The following UBE2G2 variants were observed in gnomAD, a reference collection of about 807,000 sequenced individuals.
UBE2G2 encodes ubiquitin-conjugating enzyme E2 G2.
Under a neutral mutation model 23.0 loss-of-function variants are expected in UBE2G2, and 10 were observed. That is an observed-to-expected ratio of 0.43 (90% CI 0.27 to 0.74). UBE2G2 has a LOEUF of 0.74. Ranked by LOEUF, UBE2G2 falls within the 30% of genes least tolerant of loss-of-function variation. The pLI is 0.19. For missense variants in UBE2G2, 150 were observed against 218.3 expected (o/e 0.69, Z 1.97); for synonymous variants, 86 against 81.3 (o/e 1.06, Z -0.31).
intron 4 of UBE2G2, among the ~76,000 whole-genome samples, chr21:44,775,766 C>G (rs1555960508): frequency 6.6e-6 from 1 of 152,180 alleles, no homozygotes; most frequent in East Asian, 1.9e-4. Flanking sequence ...CATTTTATAG[C>G]TAACCAATTT....
chr21:44,796,558 A>C (rs1252213332), intron 1 of UBE2G2, among the ~76,000 whole-genome samples: 1 of 152,202 alleles, frequency 6.6e-6, no homozygotes, highest in Non-Finnish European at 1.5e-5. Flanking sequence ...AAACCCACTA[A>C]ATTTTATCAC....
chr21:44,773,557 G>T lies in UBE2G2; in HGVS notation c.375C>A (p.Ser125Arg). 1 of 1,608,802 alleles carries T rather than the reference G, an allele frequency of 6.2e-7. No homozygotes were observed. Reference protein sequence around the residue: ...SVEKILLSVVSMLAEPNDESG... With the variant: ...SVEKILLSVVRMLAEPNDESG... ...AGGCTCGGGCCTTACCTGCCAGCAT[G>T]CTCACCACCGACAGCAGGATCTTCT... Residue 125 changes from serine to arginine, a missense_variant, in exon 5 of 6, where the codon AGC becomes AGA. Transcript: ENST00000345496.
chr21:44,777,249 A>G, intron 4 of UBE2G2, 50 bp downstream of exon 4: 1 of 1,463,240 alleles, frequency 6.8e-7, no homozygotes. Flanking sequence ...TGATAATATT[A>G]TCTCCGTACC....
At chr21:44,794,139 G>C (rs1296543670) in intron 1 of UBE2G2, among the ~76,000 whole-genome samples, 2 of 152,188 alleles carry the variant, frequency 1.3e-5, no homozygotes, top group African/African-American at 4.8e-5. Context: ...AGGCATAGAG[G>C]ACAGAGCCTC....
At position 44,792,700 on chromosome 21, in the gene UBE2G2, C is replaced by T. The variant is rs573561720; in HGVS notation, c.44-4605G>A. On this transcript the variant is annotated intron_variant, in intron 1 of 5. Transcript: ENST00000345496. The stretch of plus-strand genomic sequence containing the variant: ...ACCGATTAACCGTTTAATGAACCCA[C>T]AACCTTGGGTAGAACAAGGCCTACC... 5.3e-5 allele frequency among the ~76,000 whole-genome samples: 8 copies of T among 152,348 alleles called. No individual in the cohort carries two copies. In the South Asian group the frequency reaches 1.0e-3, roughly 20 times the overall value.
chr21:44,801,698 A>T lies in UBE2G2; in HGVS notation c.43+8T>A. The T allele has an allele frequency of 6.6e-7, 1 of 1,514,672 alleles. No homozygotes were observed. The highest frequency in any genetic ancestry group is 8.8e-7 in the Non-Finnish European group (1 of 1,133,298). The allele number at this position is 1,514,672 out of a possible 1,614,324, so 93.8% of individuals were successfully genotyped here. ...GACGCTGCTGACGGCCCGGGTCCCCAGACTCACGTTTGTACTCGGCCATCA... is the reference window on the plus strand; with the variant it reads ...GACGCTGCTGACGGCCCGGGTCCCCTGACTCACGTTTGTACTCGGCCATCA... On this transcript the variant is annotated splice_region_variant and intron_variant, in intron 1 of 5. Coordinates refer to ENST00000345496, the MANE Select transcript of UBE2G2 (RefSeq NM_003343.6).
At chr21:44,797,297 A>C (rs1555963974) in intron 1 of UBE2G2, among the ~76,000 whole-genome samples, 1 of 152,272 alleles carries the variant, frequency 6.6e-6, no homozygotes, top group African/African-American at 2.4e-5. Flanking sequence ...GGACAATAAA[A>C]GGGAGAACAT....
chr21:44,790,335 C>A (rs1291299437), intron 1 of UBE2G2, among the ~76,000 whole-genome samples: 3 of 152,212 alleles, frequency 2.0e-5, no homozygotes, highest in Admixed American at 6.5e-5. Context: ...TAAGACCCAG[C>A]AATTCTACTG....
rs79911400 is a variant in UBE2G2, at chr21:44,784,993, G to A, written c.125+2927C>T. On this transcript the variant is annotated intron_variant, in intron 3 of 5. Coordinates refer to ENST00000345496, the MANE Select transcript of UBE2G2 (RefSeq NM_003343.6). ...AGGACTCCTTCTGTCCCACATAAGT[G>A]CATCAATGAAAGAGGGCACCCACCC... 2.9e-3 allele frequency among the ~76,000 whole-genome samples: 436 copies of A among 152,278 alleles called. 2 individuals carry two copies. Among genetic ancestry groups the A allele is most frequent in the Non-Finnish European group, 4.6e-3 (311 of 68,020 alleles).
intron 1 of UBE2G2, among the ~76,000 whole-genome samples, chr21:44,796,328 G>T (rs2083088655): frequency 6.6e-6 from 1 of 152,044 alleles, no homozygotes. Flanking sequence ...TCATAGCCAA[G>T]GTCCCACCAC....
In UBE2G2 at chr21:44,769,554, G is replaced by A. The variant is rs1015035100; in HGVS notation, c.*1823C>T. The A allele has an allele frequency of 1.2e-4, 19 of 152,104 alleles. No individual in the cohort carries two copies. Among genetic ancestry groups the A allele is most frequent in the Admixed American group, 4.6e-4 (7 of 15,272 alleles). 9.4% of individuals were successfully genotyped at this position (152,104 alleles called of 1,614,324 possible). A position where few individuals can be genotyped will look rare whatever the true frequency, so the allele number is the denominator to read the frequency against. On this transcript the variant is annotated 3_prime_UTR_variant, in exon 6 of 6. Transcript: ENST00000345496. ...CGCCACCACGCCCGGCTAATTTTTT[G>A]TATTTTTAGTGGAGACAGGGTTTCA...
At chr21:44,777,060 G>A (rs1372597482) in intron 4 of UBE2G2, 17 of 416,428 alleles carry the variant, frequency 4.1e-5, no homozygotes, top group African/African-American at 3.3e-4. Context: ...TAGGGTGGCT[G>A]GGTCAAATGG....
chr21:44,773,867 T>G (rs2146383305), intron 4 of UBE2G2, 180 bp from the exon 5 acceptor site: 1 of 808,390 alleles, frequency 1.2e-6, no homozygotes, highest in East Asian at 2.9e-5. Context: ...GGAATCCCGG[T>G]GGGGCCTGCT....
chr21:44,795,737 G>C (rs1353821733), intron 1 of UBE2G2, among the ~76,000 whole-genome samples: 1 of 143,746 alleles, frequency 7.0e-6, no homozygotes. Context: ...ACACTGCTAG[G>C]GAAATGTGAA....
At chr21:44,782,383 TTATC>T in intron 3 of UBE2G2, among the ~76,000 whole-genome samples, 1 of 152,366 alleles carries the variant, frequency 6.6e-6, no homozygotes, top group East Asian at 1.9e-4. Flanking sequence ...TCCCTCAAAC[TTATC>T]TAAAGATTCA....
At chr21:44,790,332 C>T (rs1555962780) in intron 1 of UBE2G2, among the ~76,000 whole-genome samples, 1 of 152,208 alleles carries the variant, frequency 6.6e-6, no homozygotes, top group African/African-American at 2.4e-5. Context: ...CTCTAAGACC[C>T]AGCAATTCTA....
In UBE2G2 at chr21:44,777,287, A is replaced by C. The variant is rs782572530; in HGVS notation, c.244+12T>G. The C allele has an allele frequency of 1.2e-6, 2 of 1,612,328 alleles. No homozygotes were observed. Among genetic ancestry groups the C allele is most frequent in the Non-Finnish European group, 8.5e-7 (1 of 1,178,538 alleles). ...TCCTGGTACCACAAAAACTACTTCC[A>C]AAAGCACTTACTGTTGGGATGAAAC... On this transcript the variant is annotated intron_variant, in intron 4 of 5. Transcript: ENST00000345496.
chr21:44,773,970 T>C (rs1200325925), intron 4 of UBE2G2: 2 of 330,786 alleles, frequency 6.0e-6, no homozygotes, highest in Admixed American at 4.7e-5. Flanking sequence ...AAGCAATATA[T>C]ACAAAAAGAC....
Position 44,780,794 on chromosome 21 carries a change from T to C in UBE2G2, c.126-3377A>G, listed in dbSNP as rs1276939969. On this transcript the variant is annotated intron_variant, in intron 3 of 5. Transcript: ENST00000345496. ...CCTCAGCAACAGTGTGGGTCACTTA[T>C]ATGCCAGTGAAAAGCGAAGATCAGC... Among the ~76,000 whole-genome samples the C allele has an allele frequency of 1.2e-4, 19 of 152,366 alleles. No homozygotes were observed. The South Asian group carries it at 3.7e-3, about 30-fold the overall frequency.
Sources: gnomAD v4.1 joint callset for allele counts (sites outside exome capture counted in the v4.1 genomes callset) on GRCh38, gnomAD v4.1.1 for gene constraint, MANE v1.5 for transcripts, NCBI Gene and HGNC (gene_info 2026-07-23, HGNC 2026-07-21) for gene names.